R3HDM4: variants seen among roughly 807,000 people sequenced by gnomAD.
R3HDM4 encodes R3H domain containing 4.
Under a neutral mutation model 31.3 loss-of-function variants are expected in R3HDM4, and 30 were observed. That is an observed-to-expected ratio of 0.96 (90% CI 0.72 to 1.30). The LOEUF is 1.30. Among genes scored for constraint, R3HDM4 ranks in the 50% most tolerant of loss-of-function variants. The probability of loss-of-function intolerance (pLI) is 0.00; values close to 1 mark genes in which losing one functional copy is unlikely to be tolerated. For synonymous variants in R3HDM4, 196 were observed against 156.6 expected, an observed-to-expected ratio of 1.25 and a Z score of -1.88; for missense variants, 444 against 366.1, an observed-to-expected ratio of 1.21 and a Z score of -1.74.
intron 1 of R3HDM4, among the ~76,000 whole-genome samples, chr19:906,188 C>G (rs1359486969): frequency 6.7e-6 from 1 of 150,366 alleles, no homozygotes; most frequent in Non-Finnish European, 1.5e-5. Flanking sequence ...CCACGCCTGG[C>G]TAATTTTTTA....
rs1262176333 is a variant in R3HDM4, at chr19:899,508, G to A, written c.648-13C>T. The A allele has an allele frequency of 6.2e-7, 1 of 1,613,454 alleles. No homozygotes were observed. Among genetic ancestry groups the A allele is most frequent in the African/African-American group, 1.3e-5 (1 of 74,908 alleles). ...AAGCCTCTCGAAGCTGTGGGGAACG[G>A]GCAGTGAGCGCCGTGCAGGGGCTGC... On this transcript the variant is annotated splice_polypyrimidine_tract_variant and intron_variant, in intron 6 of 7. Coordinates refer to ENST00000361574, the MANE Select transcript of R3HDM4 (RefSeq NM_138774.4). This position sits in a 1 kb window ranked among gnomAD's most constrained non-coding sequence, Gnocchi z 6.8.
At chr19:897,658 G>T in intron 7 of R3HDM4, 118 bp from the exon 8 acceptor site, 1 of 775,880 alleles carries the variant, frequency 1.3e-6, no homozygotes, top group Non-Finnish European at 2.1e-6. Flanking sequence ...CAGCTGGTGT[G>T]TGCTGGTCAC....
chr19:901,967 C>A lies in R3HDM4; in HGVS notation c.226+9G>T, dbSNP rs750809896. 3.1e-6 allele frequency: 5 copies of A among 1,613,402 alleles called. No homozygotes were observed. The highest frequency in any genetic ancestry group is 4.2e-6 in the Non-Finnish European group (5 of 1,179,984). ...AGCCCCCAGGAGGCGCCTCCCGACC[C>A]CTGCTCACTGTTCTCCAGGCGCTGG... On this transcript the variant is annotated intron_variant, in intron 2 of 7. Coordinates refer to ENST00000361574, the MANE Select transcript of R3HDM4 (RefSeq NM_138774.4).
At chr19:902,502 G>A (rs920712443) in intron 1 of R3HDM4, 19 of 198,454 alleles carry the variant, frequency 9.6e-5, no homozygotes, top group Admixed American at 5.3e-5. Context: ...AAAATTAACC[G>A]GTGTGCTGGT....
At chr19:909,438 G>A (rs1010167447) in intron 1 of R3HDM4, among the ~76,000 whole-genome samples, 4 of 152,144 alleles carry the variant, frequency 2.6e-5, no homozygotes, top group Admixed American at 2.0e-4. Context: ...CCCAGAGACT[G>A]ACGGCTGAGA....
chr19:910,774 A>G (rs1292376772), intron 1 of R3HDM4, among the ~76,000 whole-genome samples: 1 of 152,130 alleles, frequency 6.6e-6, no homozygotes, highest in Non-Finnish European at 1.5e-5. Context: ...GAGTGGAGAT[A>G]ATAGTGATGA....
At chr19:901,010 C>G (rs960500758) in intron 3 of R3HDM4, 58 bp from the exon 4 acceptor site, 29 of 1,503,470 alleles carry the variant, frequency 1.9e-5, no homozygotes, top group Non-Finnish European at 2.5e-5. Flanking sequence ...CGCTGACATC[C>G]CCGGGCAAAT....
At chr19:910,123 C>T (rs184590882) in intron 1 of R3HDM4, among the ~76,000 whole-genome samples, 25 of 151,346 alleles carry the variant, frequency 1.7e-4, no homozygotes, top group African/African-American at 4.6e-4. Flanking sequence ...GTTGGGAGTT[C>T]GAGACCAGCC....
intron 1 of R3HDM4, among the ~76,000 whole-genome samples, chr19:908,764 GC>G (rs1010596076): frequency 7.5e-6 from 1 of 132,828 alleles, no homozygotes; most frequent in African/African-American, 2.9e-5. Flanking sequence ...GAACGGCCCC[GC>G]CCCCCACCTA....
intron 1 of R3HDM4, among the ~76,000 whole-genome samples, chr19:912,447 A>G (rs2036988309): frequency 3.3e-5 from 2 of 61,524 alleles, no homozygotes; most frequent in Admixed American, 2.0e-4. Flanking sequence ...GGTGGAACCG[A>G]GGAGTTGGGG....
chr19:907,354 C>T lies in R3HDM4; in HGVS notation c.72-5224G>A, dbSNP rs187585374. Among the ~76,000 whole-genome samples the T allele has an allele frequency of 6.7e-6, 1 of 148,508 alleles. No individual in the cohort carries two copies. Among genetic ancestry groups the T allele is most frequent in the African/African-American group, 2.5e-5 (1 of 40,636 alleles). The stretch of plus-strand genomic sequence containing the variant: ...CCCATGCCCCAGATTCACCCACAGC[C>T]CCCCCTGAGGCCCCGGGGCCTACTT... On this transcript the variant is annotated intron_variant, in intron 1 of 7. Transcript: ENST00000361574. The surrounding 1 kb of genome is among the most constrained non-coding windows in gnomAD (Gnocchi z 4.1).
At chr19:906,809 TTTTTG>T (rs60860170) in intron 1 of R3HDM4, among the ~76,000 whole-genome samples, 4,954 of 149,710 alleles carry the variant, frequency 0.033, 273 homozygotes, top group African/African-American at 0.11. Flanking sequence ...ATTTGGGGTT[TTTTTG>T]TTTTGTTTTG....
chr19:900,294 C>A, intron 4 of R3HDM4, 148 bp from the exon 5 acceptor site: 2 of 613,228 alleles, frequency 3.3e-6, no homozygotes, highest in Non-Finnish European at 2.8e-6. Context: ...GATACTGTGG[C>A]CCCATCCAGC....
At chr19:903,860 C>G (rs1348501331) in intron 1 of R3HDM4, among the ~76,000 whole-genome samples, 2 of 152,070 alleles carry the variant, frequency 1.3e-5, no homozygotes, top group African/African-American at 4.8e-5. Flanking sequence ...ACCATCCCGG[C>G]TAACACGGTG....
At chr19:911,690 C>T (rs1019138500) in intron 1 of R3HDM4, among the ~76,000 whole-genome samples, 3 of 152,116 alleles carry the variant, frequency 2.0e-5, no homozygotes, top group African/African-American at 4.8e-5. Context: ...GCCGCCTCCT[C>T]GCCCTCCACC....
intron 7 of R3HDM4, 106 bp from the exon 8 acceptor site, chr19:897,646 G>A (rs1441349723): frequency 7.9e-5 from 68 of 865,348 alleles, no homozygotes; most frequent in Middle Eastern, 3.4e-4. Flanking sequence ...GGAGGTCACC[G>A]CCAGCTGGTG....
chr19:901,298 C>G lies in R3HDM4; in HGVS notation c.351+124G>C, dbSNP rs527356293. 3.7e-5 allele frequency: 40 copies of G among 1,076,586 alleles called. No individual in the cohort carries two copies. In the African/African-American group the frequency reaches 5.2e-4, roughly 14 times the overall value. The allele number at this position is 1,076,586 out of a possible 1,614,324, so 66.7% of individuals were successfully genotyped here. On this transcript the variant is annotated intron_variant, in intron 3 of 7. Transcript: ENST00000361574. ...GGGGACCCCGAAGGAGACTGAGGGG[C>G]CTTCATTAGGAGATCAGAAGTGGGC...
chr19:900,353 C>G (rs543115291), intron 4 of R3HDM4, among the ~76,000 whole-genome samples: 76 of 151,980 alleles, frequency 5.0e-4, no homozygotes, highest in Admixed American at 1.0e-3. Context: ...ATCCAGCTGA[C>G]CCTACCCTCA....
Position 900,961 on chromosome 19 carries a change from G to C in R3HDM4, c.352-9C>G. On this transcript the variant is annotated splice_polypyrimidine_tract_variant and intron_variant, in intron 3 of 7. Transcript: ENST00000361574. ...ATGAAATCGTTCCAGACCTGGAAGA[G>C]AGGCAGGGAGGCAGGCTTGCCATGA... 6 of 1,555,954 alleles carry C rather than the reference G, an allele frequency of 3.9e-6. No homozygotes were observed. Among genetic ancestry groups the C allele is most frequent in the Non-Finnish European group, 5.2e-6 (6 of 1,149,414 alleles).
Sources: allele counts gnomAD v4.1 joint callset (sites outside exome capture counted in the v4.1 genomes callset), GRCh38; gene constraint gnomAD v4.1.1; non-coding constraint Gnocchi (gnomAD v3.1); transcripts MANE v1.5; gene names NCBI Gene and HGNC (gene_info 2026-07-23, HGNC 2026-07-21).